Variants in LTBP1 observed in about 807,000 individuals in gnomAD.
The protein encoded by LTBP1 is latent-transforming growth factor beta-binding protein 1.
LTBP1 carries 129 observed loss-of-function variants against 207.6 expected under a neutral mutation model. The observed-to-expected ratio is 0.62, with a 90% CI of 0.54 to 0.72. The LOEUF (loss-of-function observed/expected upper bound fraction) is 0.72, where lower values mean the gene tolerates loss of function less well. LTBP1 is among the 30% of genes least tolerant of loss of function. The pLI is 0.00. For missense variants in LTBP1, 2,281 were observed against 2,217.2 expected (o/e 1.03, Z -0.58); for synonymous variants, 963 against 833.7 (o/e 1.16, Z -2.67).
At chr2:33,151,826 TGTGTGTG>T (rs2083556798) in intron 5 of LTBP1, among the ~76,000 whole-genome samples, 1 of 964 alleles carries the variant, frequency 1.0e-3, no homozygotes, top group Non-Finnish European at 1.8e-3. Context: ...TTCCATTTTG[TGTGTGTG>T]TGTGTGTGTG....
chr2:33,249,709 G>GTGCT (rs1397469954), intron 10 of LTBP1, among the ~76,000 whole-genome samples: 1 of 152,136 alleles, frequency 6.6e-6, no homozygotes, highest in East Asian at 1.9e-4. Context: ...TGCTTCTGAA[G>GTGCT]TGCTTTTCCT....
chr2:33,372,161 G>T (rs890476385), intron 31 of LTBP1, among the ~76,000 whole-genome samples: 1 of 152,130 alleles, frequency 6.6e-6, no homozygotes, highest in East Asian at 1.9e-4. Flanking sequence ...CCTGTCAGTG[G>T]TCACGTACCA....
At chr2:33,318,769 T>G (rs987410978) in intron 24 of LTBP1, among the ~76,000 whole-genome samples, 1 of 152,194 alleles carries the variant, frequency 6.6e-6, no homozygotes, top group Non-Finnish European at 1.5e-5. Context: ...TTTCTTTCAC[T>G]CAACTCGTTG....
chr2:32,972,690 A>G (rs960874476), intron 2 of LTBP1, among the ~76,000 whole-genome samples: 15 of 152,136 alleles, frequency 9.9e-5, no homozygotes, highest in Non-Finnish European at 1.8e-4. Context: ...GGTTTCTCCC[A>G]TGCTGTTCTT....
intron 26 of LTBP1, among the ~76,000 whole-genome samples, chr2:33,355,842 C>A (rs1239452320): frequency 6.6e-6 from 1 of 152,134 alleles, no homozygotes; most frequent in African/African-American, 2.4e-5. Context: ...GCGTGTGTGT[C>A]CTGGGAGTGA....
At chr2:33,060,795 A>T (rs1290415680) in intron 3 of LTBP1, among the ~76,000 whole-genome samples, 1 of 152,164 alleles carries the variant, frequency 6.6e-6, no homozygotes, top group Non-Finnish European at 1.5e-5. Context: ...CTGGTTTTCA[A>T]ACAAAAAATA....
intron 10 of LTBP1, among the ~76,000 whole-genome samples, chr2:33,247,958 G>T (rs143003323): frequency 2.0e-5 from 3 of 152,314 alleles, no homozygotes; most frequent in East Asian, 3.9e-4. Flanking sequence ...AGAGCACCCC[G>T]GCTGGGAGCC....
chr2:33,347,593 G>T, intron 26 of LTBP1, 83 bp downstream of exon 26: 1 of 1,539,944 alleles, frequency 6.5e-7, no homozygotes. Context: ...TAAACGCTGG[G>T]AGTGAGATAA....
intron 3 of LTBP1, among the ~76,000 whole-genome samples, chr2:33,039,463 C>G (rs2076079332): frequency 6.6e-6 from 1 of 152,186 alleles, no homozygotes; most frequent in African/African-American, 2.4e-5. Context: ...ACCTCTTATA[C>G]TACATTTATC....
intron 3 of LTBP1, among the ~76,000 whole-genome samples, chr2:33,078,474 C>T (rs1005244481): frequency 6.6e-6 from 1 of 152,078 alleles, no homozygotes; most frequent in Non-Finnish European, 1.5e-5. Flanking sequence ...GATATTAAAG[C>T]CAAGCTTATC....
chr2:33,120,811 CA>C (rs2081063145), intron 4 of LTBP1, among the ~76,000 whole-genome samples: 1 of 152,166 alleles, frequency 6.6e-6, no homozygotes, highest in East Asian at 1.9e-4. Context: ...CTCCCACCAG[CA>C]GTGTTGTATG....
intron 7 of LTBP1, among the ~76,000 whole-genome samples, chr2:33,207,924 T>C (rs527658973): frequency 1.3e-5 from 2 of 152,318 alleles, no homozygotes; most frequent in South Asian, 4.1e-4. Context: ...GAGATGTGTT[T>C]ATATCATAGT....
intron 2 of LTBP1, among the ~76,000 whole-genome samples, chr2:32,978,923 A>T (rs1682292925): frequency 6.6e-6 from 1 of 151,800 alleles, no homozygotes; most frequent in South Asian, 2.1e-4. Context: ...TTCATGATTC[A>T]ATCTTGGTAG....
intron 2 of LTBP1, among the ~76,000 whole-genome samples, chr2:32,962,028 C>G (rs1197384410): frequency 6.6e-6 from 1 of 150,684 alleles, no homozygotes; most frequent in Non-Finnish European, 1.5e-5. Flanking sequence ...GTTTTTATGA[C>G]CAGTTTGTAC....
At chr2:33,204,786 C>T (rs573302514) in intron 7 of LTBP1, among the ~76,000 whole-genome samples, 1 of 152,294 alleles carries the variant, frequency 6.6e-6, no homozygotes, top group South Asian at 2.1e-4. Flanking sequence ...TTTTAGAAAA[C>T]TGATAGCTGA....
intron 9 of LTBP1, among the ~76,000 whole-genome samples, chr2:33,237,712 T>C (rs1191288381): frequency 2.0e-5 from 3 of 152,188 alleles, no homozygotes; most frequent in Non-Finnish European, 4.4e-5. Context: ...CTGGGGTTGA[T>C]ATATTTGTGA....
chr2:33,117,732 A>G (rs546820970), intron 4 of LTBP1, among the ~76,000 whole-genome samples: 2 of 152,288 alleles, frequency 1.3e-5, no homozygotes, highest in Admixed American at 6.5e-5. Flanking sequence ...AGCACCCATT[A>G]TGGGATGGAT....
chr2:33,222,024 A>G lies in LTBP1; in HGVS notation c.1805-56A>G, dbSNP rs2091142054. 4.7e-6 allele frequency: 6 copies of G among 1,275,396 alleles called. No individual in the cohort carries two copies. The South Asian group carries it at 6.0e-5, about 13-fold the overall frequency. 79.0% of individuals were successfully genotyped at this position (1,275,396 alleles called of 1,614,324 possible). A position where few individuals can be genotyped will look rare whatever the true frequency, so the allele number is the denominator to read the frequency against. On this transcript the variant is annotated intron_variant, in intron 8 of 33. Coordinates refer to ENST00000404816, the MANE Select transcript of LTBP1 (RefSeq NM_206943.4). ...TTAAATGGCTTCAGATATCACTTAC[A>G]CTAGTCTAAGATTGTAAGAATTTAA...
intron 3 of LTBP1, among the ~76,000 whole-genome samples, chr2:33,037,221 T>G (rs995694151): frequency 1.3e-5 from 2 of 152,190 alleles, no homozygotes; most frequent in Non-Finnish European, 2.9e-5. Context: ...TTCATTCAAG[T>G]TTCTAAATAT....
Sources: gnomAD v4.1 joint callset for allele counts (sites outside exome capture counted in the v4.1 genomes callset) on GRCh38, gnomAD v4.1.1 for gene constraint, MANE v1.5 for transcripts, NCBI Gene and HGNC (gene_info 2026-07-23, HGNC 2026-07-21) for gene names.